Variants in RUFY4 observed in about 807,000 individuals in gnomAD.
RUFY4 encodes the protein RUN and FYVE domain containing 4.
RUFY4 carries 73 observed loss-of-function variants against 69.0 expected under a neutral mutation model. The ratio of observed to expected loss-of-function variants is 1.06; its 90% CI spans 0.88 to 1.29. The LOEUF is 1.29. RUFY4 is among the 50% of genes most tolerant of loss of function. The probability of loss-of-function intolerance (pLI) is 0.00; values close to 1 mark genes in which losing one functional copy is unlikely to be tolerated. For missense variants in RUFY4, 770 were observed against 705.6 expected (o/e 1.09, Z -1.03); for synonymous variants, 287 against 271.8 (o/e 1.06, Z -0.55).
At chr2:218,055,562 G>C (rs1264586487) in intron 2 of RUFY4, among the ~76,000 whole-genome samples, 2 of 152,140 alleles carry the variant, frequency 1.3e-5, no homozygotes, top group Non-Finnish European at 2.9e-5. Context: ...TTGTAGTCCA[G>C]TGCATTGTTT....
At chr2:218,046,888 G>A (rs575731106) in intron 2 of RUFY4, among the ~76,000 whole-genome samples, 1 of 151,980 alleles carries the variant, frequency 6.6e-6, no homozygotes, top group Non-Finnish European at 1.5e-5. Context: ...TTAATTTGAG[G>A]TCCAAAAGAC....
intron 2 of RUFY4, among the ~76,000 whole-genome samples, chr2:218,050,515 C>T (rs1688920015): frequency 6.6e-6 from 1 of 152,208 alleles, no homozygotes; most frequent in Non-Finnish European, 1.5e-5. Flanking sequence ...AGCTATAACC[C>T]TCCCTCCAGC....
At chr2:218,072,298 C>T in intron 2 of RUFY4, 76 bp from the exon 5 acceptor site, 1 of 1,499,110 alleles carries the variant, frequency 6.7e-7, no homozygotes, top group Non-Finnish European at 8.9e-7. Flanking sequence ...GTACATGTCC[C>T]CTCAGCAAGC....
intron 9 of RUFY4, 84 bp from the exon 12 acceptor site, chr2:218,089,168 T>C: frequency 9.5e-7 from 1 of 1,049,164 alleles, no homozygotes; most frequent in Non-Finnish European, 1.4e-6. Flanking sequence ...TGTTCCTCTC[T>C]GTCTCTCTGT....
At chr2:218,075,535 C>G (rs755542321) in exon 7 of RUFY4, 13 of 1,549,162 alleles carry the variant, frequency 8.4e-6, no homozygotes, top group Non-Finnish European at 7.8e-6. Context: ...CTGCTGATGC[C>G]CAGCCCCAGA....
At chr2:218,035,685 C>T (rs1457658914) in intron 2 of RUFY4, among the ~76,000 whole-genome samples, 1 of 152,156 alleles carries the variant, frequency 6.6e-6, no homozygotes, top group Non-Finnish European at 1.5e-5. Context: ...CTCAGGGCCA[C>T]AGTGTCCCCG....
At chr2:218,041,619 A>T (rs1462139134) in intron 2 of RUFY4, among the ~76,000 whole-genome samples, 1 of 152,174 alleles carries the variant, frequency 6.6e-6, no homozygotes, top group African/African-American at 2.4e-5. Context: ...GGTTACAATT[A>T]TACAGCTGCT....
At chr2:218,065,172 C>T (rs946753713), upstream of RUFY4, among the ~76,000 whole-genome samples, 2 of 152,206 alleles carry the variant, frequency 1.3e-5, no homozygotes, top group African/African-American at 4.8e-5. Context: ...ATCTCCACAT[C>T]GAGTCCTTTA....
chr2:218,035,901 G>A (rs1483250160), intron 2 of RUFY4, among the ~76,000 whole-genome samples: 1 of 152,196 alleles, frequency 6.6e-6, no homozygotes, highest in Non-Finnish European at 1.5e-5. Context: ...TGGGTGTCTC[G>A]AGGAGGATGA....
At chr2:218,044,929 G>T (rs1379975638) in intron 2 of RUFY4, among the ~76,000 whole-genome samples, 2 of 152,124 alleles carry the variant, frequency 1.3e-5, no homozygotes, top group African/African-American at 4.8e-5. Context: ...TATAATGGAA[G>T]GATTTCTATT....
At chr2:218,063,987 T>C (rs3181210) in intron 3 of RUFY4, among the ~76,000 whole-genome samples, 41,873 of 151,922 alleles carry the variant, frequency 0.28, 6,411 homozygotes, top group South Asian at 0.39. Context: ...CCCCAAACTC[T>C]AAGGCTTCAG....
chr2:218,054,243 G>A (rs1321651092), intron 2 of RUFY4, among the ~76,000 whole-genome samples: 11 of 152,084 alleles, frequency 7.2e-5, no homozygotes, highest in Non-Finnish European at 1.5e-5. Context: ...TTAAATACAG[G>A]CTTTTAATTA....
chr2:218,075,443 A>C, exon 7 of RUFY4: 1 of 1,610,998 alleles, frequency 6.2e-7, no homozygotes. Context: ...CTGAGGTCAC[A>C]GGGGTTCTGC....
At chr2:218,070,437 G>A (rs1689457838), upstream of RUFY4, 1 of 662,256 alleles carries the variant, frequency 1.5e-6, no homozygotes, top group Admixed American at 2.2e-5. Context: ...AGATAGAGCT[G>A]GGATTCTCCC....
chr2:218,067,355 A>G (rs1377947386), upstream of RUFY4, among the ~76,000 whole-genome samples: 4 of 152,256 alleles, frequency 2.6e-5, no homozygotes, highest in African/African-American at 4.8e-5. Flanking sequence ...CAGGACTGGC[A>G]GTAGGAGTGC....
intron 7 of RUFY4, among the ~76,000 whole-genome samples, chr2:218,076,202 T>C (rs973962409): frequency 1.1e-4 from 17 of 152,184 alleles, no homozygotes; most frequent in African/African-American, 4.1e-4. Context: ...ACTTGCAAGT[T>C]TCTGAGTTTA....
intron 2 of RUFY4, among the ~76,000 whole-genome samples, chr2:218,044,444 CTTTTA>C (rs1013234126): frequency 6.6e-6 from 1 of 151,998 alleles, no homozygotes; most frequent in African/African-American, 2.4e-5. Flanking sequence ...TTTATGTTAA[CTTTTA>C]TTTTAAGTTC....
chr2:218,088,885 A>G (rs1689957901), intron 9 of RUFY4, among the ~76,000 whole-genome samples: 1 of 148,380 alleles, frequency 6.7e-6, no homozygotes, highest in African/African-American at 2.5e-5. Context: ...CTCCCTCTAT[A>G]TATCTCTCAA....
At chr2:218,079,656 G>C (rs1404506635) in intron 8 of RUFY4, among the ~76,000 whole-genome samples, 2 of 152,152 alleles carry the variant, frequency 1.3e-5, no homozygotes, top group African/African-American at 4.8e-5. Flanking sequence ...GCTCAGAAGA[G>C]GATGTGCTAC....
Sources: gnomAD v4.1 joint callset for allele counts (sites outside exome capture counted in the v4.1 genomes callset) on GRCh38, gnomAD v4.1.1 for gene constraint, MANE v1.5 for transcripts, NCBI Gene and HGNC (gene_info 2026-07-23, HGNC 2026-07-21) for gene names.